MTRF1: variants seen among roughly 807,000 people sequenced by gnomAD.
MTRF1 encodes the protein mitochondrial translation release factor 1, also known as peptide chain release factor 1, mitochondrial.
MTRF1 carries 51 observed loss-of-function variants against 62.9 expected under a neutral mutation model. That is an observed-to-expected ratio of 0.81 (90% CI 0.65 to 1.02). The LOEUF (loss-of-function observed/expected upper bound fraction) is 1.02, where lower values mean the gene tolerates loss of function less well. MTRF1 is among the 50% of genes least tolerant of loss of function. MTRF1 has a pLI of 0.00. For synonymous variants in MTRF1, 158 were observed against 181.9 expected, an observed-to-expected ratio of 0.87 and a Z score of 1.06; for missense variants, 446 against 530.0, an observed-to-expected ratio of 0.84 and a Z score of 1.56.
In MTRF1 at chr13:41,222,675, G is replaced by A. The variant is rs573688294; in HGVS notation, c.1224+581C>T. 4.6e-5 allele frequency among the ~76,000 whole-genome samples: 7 copies of A among 152,318 alleles called. 1 individual carries two copies. In the East Asian group the frequency reaches 9.6e-4, roughly 21 times the overall value. ...GGAAACAACTTCCAACAGTATTTACGCGCTGAAAAGCAGCCTCCAGCTGAC... is the reference window on the plus strand; with the variant it reads ...GGAAACAACTTCCAACAGTATTTACACGCTGAAAAGCAGCCTCCAGCTGAC... On this transcript the variant is annotated intron_variant, in intron 9 of 9. Coordinates refer to ENST00000379480, the MANE Select transcript of MTRF1 (RefSeq NM_004294.4).
intron 9 of MTRF1, among the ~76,000 whole-genome samples, chr13:41,221,065 C>T (rs960728811): frequency 3.9e-5 from 6 of 152,146 alleles, no homozygotes. Context: ...CCTATCTACC[C>T]CTTCCATTTG....
the MTRF1 span, chr13:41,311,706 AC>A: frequency 3.3e-6 from 3 of 897,534 alleles, no homozygotes; most frequent in Non-Finnish European, 5.1e-6. Flanking sequence ...CTCTTTGTTT[AC>A]CTCGGAGGTC....
At chr13:41,271,488 C>T in the MTRF1 span, among the ~76,000 whole-genome samples, 5 of 152,056 alleles carry the variant, frequency 3.3e-5, no homozygotes, top group Non-Finnish European at 7.4e-5. Flanking sequence ...TGTAGTGGAT[C>T]GATGTGTGCT....
At chr13:41,235,289 A>G (rs2036299257) in intron 6 of MTRF1, 1 of 152,090 alleles carries the variant, frequency 6.6e-6, no homozygotes, top group Admixed American at 6.5e-5. Context: ...TGTTCCTAAC[A>G]CTGATTTAAC....
intron 5 of MTRF1, among the ~76,000 whole-genome samples, chr13:41,246,947 T>TATA (rs1473211395): frequency 4.6e-5 from 7 of 152,352 alleles, no homozygotes; most frequent in Admixed American, 1.3e-4. Flanking sequence ...CACGCTTTGG[T>TATA]TTCCTTATGT....
At chr13:41,236,409 G>A (rs1004771370) in intron 6 of MTRF1, 6 of 152,132 alleles carry the variant, frequency 3.9e-5, no homozygotes, top group African/African-American at 1.2e-4. Flanking sequence ...CACTGTGCCC[G>A]GCCTACAACA....
At chr13:41,230,183 T>G (rs186916882) in intron 7 of MTRF1, among the ~76,000 whole-genome samples, 2,439 of 152,120 alleles carry the variant, frequency 0.016, 79 homozygotes, top group African/African-American at 0.055. Context: ...TTTGAAAGGA[T>G]GTATACCAAA....
upstream of MTRF1, among the ~76,000 whole-genome samples, chr13:41,264,638 A>G (rs1264712350): frequency 6.6e-6 from 1 of 152,262 alleles, no homozygotes; most frequent in Non-Finnish European, 1.5e-5. Context: ...ACTTCTATGT[A>G]CTATGTACTA....
chr13:41,300,801 T>C, the MTRF1 span, among the ~76,000 whole-genome samples: 970 of 152,306 alleles, frequency 6.4e-3, 9 homozygotes, highest in African/African-American at 0.022. Flanking sequence ...AAGTTATTGA[T>C]TGGCTACACA....
chr13:41,260,426 C>T (rs536459090), intron 2 of MTRF1, 67 bp downstream of exon 2: 89 of 1,298,392 alleles, frequency 6.9e-5, no homozygotes, highest in Middle Eastern at 2.0e-4. Context: ...CTTACACACA[C>T]GCATATAAGT....
At chr13:41,303,369 C>A in the MTRF1 span, among the ~76,000 whole-genome samples, 40 of 152,142 alleles carry the variant, frequency 2.6e-4, no homozygotes, top group Non-Finnish European at 4.8e-4. Context: ...AATAATGATG[C>A]TATGGGAGCA....
At chr13:41,253,377 A>T (rs192004303) in intron 3 of MTRF1, among the ~76,000 whole-genome samples, 24 of 152,336 alleles carry the variant, frequency 1.6e-4, no homozygotes, top group Non-Finnish European at 1.3e-4. Context: ...TCTTTCATCT[A>T]ATGAATGAAG....
Position 41,240,446 on chromosome 13 carries a change from C to T in MTRF1, c.698-13G>A. On this transcript the variant is annotated splice_polypyrimidine_tract_variant and intron_variant, in intron 5 of 9. Coordinates refer to ENST00000379480, the MANE Select transcript of MTRF1 (RefSeq NM_004294.4). ...TGATGTAGTCCACCTAGGGGAACAA[C>T]AATCCAGAAATAGTAATGAATTATC... is the stretch of plus-strand genomic sequence containing the variant. 6.2e-7 allele frequency: 1 copy of T among 1,608,022 alleles called. No individual in the cohort carries two copies. Among genetic ancestry groups the T allele is most frequent in the South Asian group, 1.1e-5 (1 of 89,992 alleles).
chr13:41,243,090 G>A (rs368700148), intron 5 of MTRF1, among the ~76,000 whole-genome samples: 7 of 151,988 alleles, frequency 4.6e-5, no homozygotes, highest in East Asian at 1.9e-4. Flanking sequence ...GTGGTGGCGC[G>A]CACCTGTCAT....
the MTRF1 span, among the ~76,000 whole-genome samples, chr13:41,311,893 C>G: frequency 4.6e-5 from 7 of 152,246 alleles, no homozygotes; most frequent in Admixed American, 2.0e-4. Context: ...TAGTGGCTGC[C>G]GTGCTCTCTG....
At chr13:41,281,303 T>C in the MTRF1 span, among the ~76,000 whole-genome samples, 1 of 152,252 alleles carries the variant, frequency 6.6e-6, no homozygotes, top group Admixed American at 6.5e-5. Context: ...TTCCTTGGTC[T>C]GAGGAAATTG....
the MTRF1 span, among the ~76,000 whole-genome samples, chr13:41,305,232 A>T: frequency 1.3e-5 from 2 of 152,220 alleles, no homozygotes; most frequent in South Asian, 2.1e-4. Flanking sequence ...AATTTTTAAA[A>T]TTTTTTGTAG....
intron 6 of MTRF1, chr13:41,236,555 C>T (rs953013832): frequency 1.3e-5 from 2 of 152,210 alleles, no homozygotes; most frequent in East Asian, 1.9e-4. Flanking sequence ...ATCTAATACA[C>T]TGTTTAGCTG....
intron 5 of MTRF1, among the ~76,000 whole-genome samples, chr13:41,248,734 C>T (rs74045915): frequency 0.01 from 1,528 of 152,250 alleles, 24 homozygotes; most frequent in African/African-American, 0.036. Context: ...CAAATTAACT[C>T]GTGAGTAGAG....
Sources: gnomAD v4.1 joint callset for allele counts (sites outside exome capture counted in the v4.1 genomes callset) on GRCh38, gnomAD v4.1.1 for gene constraint, MANE v1.5 for transcripts, NCBI Gene and HGNC (gene_info 2026-07-23, HGNC 2026-07-21) for gene names.